Variants in ADAD1 observed in about 807,000 individuals in gnomAD.
The protein encoded by ADAD1 is adenosine deaminase domain containing 1, also known as adenosine deaminase domain-containing protein 1.
In ADAD1, 46 loss-of-function variants were observed where a neutral mutation model predicts 66.8. That is an observed-to-expected ratio of 0.69 (90% CI 0.54 to 0.88). The LOEUF (loss-of-function observed/expected upper bound fraction) is 0.88, where lower values mean the gene tolerates loss of function less well. Ranked by LOEUF, ADAD1 falls within the 40% of genes least tolerant of loss-of-function variation. The probability of loss-of-function intolerance (pLI) is 0.00; values close to 1 mark genes in which losing one functional copy is unlikely to be tolerated. For synonymous variants in ADAD1, 248 were observed against 229.4 expected (o/e 1.08, Z -0.73); for missense variants, 617 against 681.8 (o/e 0.91, Z 1.06).
chr4:122,409,947 T>C (rs1490699838), intron 8 of ADAD1, among the ~76,000 whole-genome samples: 2 of 152,160 alleles, frequency 1.3e-5, no homozygotes, highest in Non-Finnish European at 2.9e-5. Context: ...CCCAAAATGC[T>C]GGGATTACAG....
At chr4:122,396,910 A>T (rs6853169) in intron 7 of ADAD1, among the ~76,000 whole-genome samples, 68,999 of 151,938 alleles carry the variant, frequency 0.45, 16,427 homozygotes, top group Middle Eastern at 0.62. Context: ...AGAGTAGATA[A>T]ATATACTAGT....
chr4:122,425,606 T>TAA (rs1466533080), intron 12 of ADAD1, among the ~76,000 whole-genome samples: 25 of 141,810 alleles, frequency 1.8e-4, no homozygotes, highest in Non-Finnish European at 3.3e-4. Flanking sequence ...AAAGGAAAAG[T>TAA]AAAAAAAAAA....
At chr4:122,413,906 G>A (rs1796587952) in intron 10 of ADAD1, among the ~76,000 whole-genome samples, 1 of 141,838 alleles carries the variant, frequency 7.1e-6, no homozygotes, top group Admixed American at 7.1e-5. Context: ...GTCTTCTATA[G>A]TGTTTGATTA....
Position 122,381,094 on chromosome 4 carries a change from G to C in ADAD1, c.275G>C (p.Arg92Pro). The change falls in exon 4 of 13, where the codon CGT becomes CCT. Residue 92 changes from arginine to proline, a missense_variant. By Grantham distance (103) the Arg-to-Pro change is moderately radical (BLOSUM62 -2). Coordinates refer to ENST00000296513, the MANE Select transcript of ADAD1 (RefSeq NM_139243.4). ...IPKEFIMKYKRGEINPVSALH... is the reference protein window; with the variant it reads ...IPKEFIMKYKPGEINPVSALH... Reference sequence around the variant, plus strand: ...AAGGAATTTATAATGAAATACAAACGTGGAGAGATAAATCCTGTGTCAGCC... The same window carrying C: ...AAGGAATTTATAATGAAATACAAACCTGGAGAGATAAATCCTGTGTCAGCC... 1 of 1,606,506 alleles carries C rather than the reference G, an allele frequency of 6.2e-7. No individual in the cohort carries two copies. Among genetic ancestry groups the C allele is most frequent in the Non-Finnish European group, 8.5e-7 (1 of 1,178,552 alleles).
intron 11 of ADAD1, among the ~76,000 whole-genome samples, chr4:122,421,060 C>A (rs1796980132): frequency 6.6e-6 from 1 of 151,556 alleles, no homozygotes; most frequent in East Asian, 1.9e-4. Flanking sequence ...TGATGCAATA[C>A]TAAATAATTT....
intron 12 of ADAD1, among the ~76,000 whole-genome samples, chr4:122,429,006 T>C (rs1797387627): frequency 6.6e-6 from 1 of 152,142 alleles, no homozygotes; most frequent in Non-Finnish European, 1.5e-5. Context: ...CTACCACCAT[T>C]AGTTTTATCT....
intron 11 of ADAD1, among the ~76,000 whole-genome samples, chr4:122,417,509 T>A (rs1796795300): frequency 6.6e-6 from 1 of 152,080 alleles, no homozygotes; most frequent in Admixed American, 6.6e-5. Flanking sequence ...ATAGCCACAT[T>A]CACAAAGCGG....
chr4:122,399,404 TTGAAGTC>T (rs760908450), intron 7 of ADAD1, among the ~76,000 whole-genome samples: 61 of 152,308 alleles, frequency 4.0e-4, no homozygotes, highest in Middle Eastern at 3.4e-3. Flanking sequence ...AGTGTATAGT[TTGAAGTC>T]TGGTAATGTG....
intron 9 of ADAD1, among the ~76,000 whole-genome samples, chr4:122,412,164 C>T (rs1482668499): frequency 6.6e-6 from 1 of 151,936 alleles, no homozygotes; most frequent in Non-Finnish European, 1.5e-5. Context: ...TAGAAAGAAC[C>T]TTAAAGAAAA....
intron 12 of ADAD1, among the ~76,000 whole-genome samples, chr4:122,424,453 TAA>T (rs1797143237): frequency 2.6e-5 from 4 of 152,160 alleles, no homozygotes; most frequent in African/African-American, 9.7e-5. Flanking sequence ...AAGGATTTGG[TAA>T]GAAATCGCTC....
intron 12 of ADAD1, among the ~76,000 whole-genome samples, chr4:122,428,126 CAA>C (rs1797340741): frequency 6.6e-6 from 1 of 152,014 alleles, no homozygotes; most frequent in Non-Finnish European, 1.5e-5. Flanking sequence ...AAAATTAACT[CAA>C]AGTGGACTTT....
rs76289693 is a variant in ADAD1, at chr4:122,429,577, A to G, written c.1618-49A>G. On this transcript the variant is annotated intron_variant, in intron 12 of 12. Transcript: ENST00000296513. Reference sequence around the variant, plus strand: ...AACAGTATTGGGGCTACTTTTCAGCAATCAAATGCTGCCTATTTTCTATAA... The same window carrying G: ...AACAGTATTGGGGCTACTTTTCAGCGATCAAATGCTGCCTATTTTCTATAA... The G allele has an allele frequency of 5.3e-5, 65 of 1,234,358 alleles. 1 individual carries two copies. Among genetic ancestry groups the G allele is most frequent in the African/African-American group, 5.1e-4 (34 of 67,122 alleles). The allele number at this position is 1,234,358 out of a possible 1,614,324, so 76.5% of individuals were successfully genotyped here.
At chr4:122,427,913 T>C (rs1435322015) in intron 12 of ADAD1, among the ~76,000 whole-genome samples, 1 of 152,176 alleles carries the variant, frequency 6.6e-6, no homozygotes, top group Non-Finnish European at 1.5e-5. Context: ...ACAATAAGGC[T>C]ATAGTAATTA....
At chr4:122,387,162 A>G (rs972777457) in intron 5 of ADAD1, among the ~76,000 whole-genome samples, 3 of 152,066 alleles carry the variant, frequency 2.0e-5, no homozygotes, top group Admixed American at 6.5e-5. Flanking sequence ...TGATTCTTCT[A>G]TCCGTGAGGA....
At chr4:122,426,887 T>C (rs1369367939) in intron 12 of ADAD1, among the ~76,000 whole-genome samples, 2 of 152,128 alleles carry the variant, frequency 1.3e-5, no homozygotes, top group Non-Finnish European at 2.9e-5. Flanking sequence ...TGCTTAATGG[T>C]GAAAAGACTG....
At chr4:122,385,303 C>G (rs1421764019) in intron 5 of ADAD1, among the ~76,000 whole-genome samples, 1 of 152,086 alleles carries the variant, frequency 6.6e-6, no homozygotes, top group Non-Finnish European at 1.5e-5. Flanking sequence ...GACAGAGTCT[C>G]ACTCTGTCAC....
intron 5 of ADAD1, among the ~76,000 whole-genome samples, chr4:122,384,422 G>A (rs769863696): frequency 3.5e-4 from 54 of 152,236 alleles, no homozygotes; most frequent in Non-Finnish European, 6.6e-4. Context: ...GATTGCTCAG[G>A]TTGGAATATT....
rs374968372 is a variant in ADAD1 at position 122,421,421 on chromosome 4, G to C, written c.1617+31G>C. On this transcript the variant is annotated intron_variant, in intron 12 of 12. Transcript: ENST00000296513. ...TCCTTAAAGGAATAAAGTTATCATA[G>C]GAATAAAATTTAAGACATTAATGTG... is the stretch of plus-strand genomic sequence containing the variant. 2.7e-6 allele frequency: 4 copies of C among 1,469,316 alleles called. No individual in the cohort carries two copies. In the East Asian group the frequency reaches 9.5e-5, roughly 35 times the overall value. 91.0% of individuals were successfully genotyped at this position (1,469,316 alleles called of 1,614,324 possible).
At position 122,421,311 on chromosome 4, in the gene ADAD1, C is replaced by T; in HGVS notation, c.1538C>T (p.Ala513Val). ...MSMASRLCKA[A>V]MLSRFNLLAK... ...ATGGCAAGTCGGCTTTGTAAGGCTG[C>T]AATGTTAAGTCGGTTTAACCTGCTT... The change falls in exon 12 of 13, where the codon GCA (alanine) becomes GTA (valine). Residue 513 changes from alanine (A) to valine (V), a missense_variant. Coordinates refer to ENST00000296513, the MANE Select transcript of ADAD1 (RefSeq NM_139243.4). 1.9e-6 allele frequency: 3 copies of T among 1,605,804 alleles called. No homozygotes were observed. The highest frequency in any genetic ancestry group is 8.5e-7 in the Non-Finnish European group (1 of 1,174,322).
Sources: allele counts gnomAD v4.1 joint callset (sites outside exome capture counted in the v4.1 genomes callset), GRCh38; gene constraint gnomAD v4.1.1; transcripts MANE v1.5; gene names NCBI Gene and HGNC (gene_info 2026-07-23, HGNC 2026-07-21).